SHANK2: variants seen among roughly 807,000 people sequenced by gnomAD.
The protein encoded by SHANK2 is SH3 and multiple ankyrin repeat domains protein 2.
Under a neutral mutation model 133.7 loss-of-function variants are expected in SHANK2, and 43 were observed. The ratio of observed to expected loss-of-function variants is 0.32; its 90% CI spans 0.25 to 0.41. SHANK2 has a LOEUF of 0.41. SHANK2 is among the 10% of genes least tolerant of loss of function. SHANK2 has a pLI of 1.00. For missense variants in SHANK2, 1,994 were observed against 2,235.8 expected, an observed-to-expected ratio of 0.89 and a Z score of 2.18; for synonymous variants, 1,017 against 952.8, an observed-to-expected ratio of 1.07 and a Z score of -1.24.
chr11:71,235,503 A>G (rs1190633266), intron 1 of SHANK2, among the ~76,000 whole-genome samples: 4 of 152,028 alleles, frequency 2.6e-5, no homozygotes, highest in Non-Finnish European at 5.9e-5. Flanking sequence ...CTGAGGCAGG[A>G]AAATCACTTG....
At chr11:70,762,067 C>T (rs561613636) in intron 14 of SHANK2, among the ~76,000 whole-genome samples, 4 of 152,302 alleles carry the variant, frequency 2.6e-5, no homozygotes, top group South Asian at 2.1e-4. Flanking sequence ...CTTTTTGCAG[C>T]GCCCCAGAGA....
intron 17 of SHANK2, among the ~76,000 whole-genome samples, chr11:70,544,266 T>A (rs2059660776): frequency 6.6e-6 from 1 of 152,144 alleles, no homozygotes; most frequent in South Asian, 2.1e-4. Context: ...TGTGCCTCAG[T>A]GTCCTCATCT....
intron 11 of SHANK2, among the ~76,000 whole-genome samples, chr11:70,832,050 C>T (rs1555058653): frequency 1.3e-5 from 2 of 152,190 alleles, no homozygotes; most frequent in Non-Finnish European, 2.9e-5. Flanking sequence ...CACGCAACAC[C>T]GTGGGGACAC....
At chr11:70,585,849 TG>T (rs2060243301) in intron 17 of SHANK2, among the ~76,000 whole-genome samples, 1 of 18,648 alleles carries the variant, frequency 5.4e-5, no homozygotes, top group Non-Finnish European at 9.8e-5. Context: ...CACCCACCCA[TG>T]CATTTGTCCA....
At chr11:70,819,281 C>T (rs932324183) in intron 12 of SHANK2, among the ~76,000 whole-genome samples, 2 of 152,250 alleles carry the variant, frequency 1.3e-5, no homozygotes, top group East Asian at 3.8e-4. Flanking sequence ...TGTGTGACCT[C>T]GGGCTCCTCA....
Position 70,473,301 on chromosome 11 carries a change from A to G in SHANK2, c.5118T>C (p.Arg1706=), listed in dbSNP as rs1555149219. Residue 1706 remains arginine, a synonymous_variant, in exon 26 of 26, where the codon CGT becomes CGC. Coordinates refer to ENST00000601538, the MANE Select transcript of SHANK2 (RefSeq NM_012309.5). This position sits in a 1 kb window ranked among gnomAD's most constrained non-coding sequence, Gnocchi z 5.9. Reference sequence around the variant, plus strand: ...TTGGCGAGACCACAGGGCTTGGGGCACGTCTTGTTCCTGAGGTCCTGCTTT... The same window carrying G: ...TTGGCGAGACCACAGGGCTTGGGGCGCGTCTTGTTCCTGAGGTCCTGCTTT... The part of the protein sequence containing the change: ...DYESRTSGTR[R]APSPVVSPTE... 6.2e-7 allele frequency: 1 copy of G among 1,613,870 alleles called. No homozygotes were observed. The highest frequency in any genetic ancestry group is 1.1e-5 in the South Asian group (1 of 91,062).
chr11:70,719,779 CA>C (rs1565267701), intron 14 of SHANK2, among the ~76,000 whole-genome samples: 1 of 151,270 alleles, frequency 6.6e-6, no homozygotes, highest in Non-Finnish European at 1.5e-5. Context: ...GACACGGCAG[CA>C]CACGAGATCC....
intron 15 of SHANK2, among the ~76,000 whole-genome samples, chr11:70,680,145 C>T (rs1555018051): frequency 6.6e-6 from 1 of 152,158 alleles, no homozygotes. Context: ...GGGGCCATCG[C>T]ACCCCATCCC....
At chr11:71,148,010 G>GTCAAGTGCAA (rs1327061681) in intron 2 of SHANK2, among the ~76,000 whole-genome samples, 1 of 151,982 alleles carries the variant, frequency 6.6e-6, no homozygotes, top group Non-Finnish European at 1.5e-5. Context: ...CTTCCTCAAG[G>GTCAAGTGCAA]TCAAGTGCAA....
chr11:71,178,326 C>A (rs1555113347), intron 2 of SHANK2, among the ~76,000 whole-genome samples: 1 of 152,218 alleles, frequency 6.6e-6, no homozygotes, highest in African/African-American at 2.4e-5. Flanking sequence ...AAGCCAGACA[C>A]AGTAGGAGAC....
chr11:70,620,541 G>A (rs1339731297), intron 17 of SHANK2, among the ~76,000 whole-genome samples: 1 of 150,832 alleles, frequency 6.6e-6, no homozygotes, highest in African/African-American at 2.4e-5. Context: ...CCCACCATGG[G>A]CGCCTTCCTT....
chr11:70,504,875 T>C (rs2059114727), intron 17 of SHANK2, among the ~76,000 whole-genome samples: 1 of 152,148 alleles, frequency 6.6e-6, no homozygotes, highest in Non-Finnish European at 1.5e-5. Flanking sequence ...CCACGCGTTA[T>C]CGGGTTCTCT....
At chr11:71,065,782 G>GGGTGT (rs1951046723) in intron 9 of SHANK2, among the ~76,000 whole-genome samples, 1 of 129,684 alleles carries the variant, frequency 7.7e-6, no homozygotes, top group Non-Finnish European at 1.6e-5. Context: ...GGGGAGGAGG[G>GGGTGT]GTACAGAACT....
chr11:70,662,457 C>G (rs912810080), intron 15 of SHANK2, among the ~76,000 whole-genome samples: 2 of 152,152 alleles, frequency 1.3e-5, no homozygotes, highest in African/African-American at 4.8e-5. Context: ...CTGCATCCCC[C>G]CCTCCAGCGT....
chr11:70,592,701 C>T lies in SHANK2; in HGVS notation c.2061+67127G>A, dbSNP rs1198616978. Among the ~76,000 whole-genome samples, 8 of 152,246 alleles carry T rather than the reference C, an allele frequency of 5.3e-5. No individual in the cohort carries two copies. In the East Asian group the frequency reaches 1.6e-3, roughly 30 times the overall value. ...GGTTAGGCCAACTCCCTCCTCCAGCCCCCTCCCATTTCGGCCCATCATCTA... is the reference window on the plus strand; with the variant it reads ...GGTTAGGCCAACTCCCTCCTCCAGCTCCCTCCCATTTCGGCCCATCATCTA... On this transcript the variant is annotated intron_variant, in intron 17 of 25. Transcript: ENST00000601538.
intron 17 of SHANK2, among the ~76,000 whole-genome samples, chr11:70,621,669 A>C (rs2060830974): frequency 6.6e-6 from 1 of 152,206 alleles, no homozygotes; most frequent in African/African-American, 2.4e-5. Context: ...AGCCCCAGCC[A>C]TGCGTGGCTG....
chr11:70,518,100 G>C (rs1002123954), intron 17 of SHANK2, among the ~76,000 whole-genome samples: 9 of 152,200 alleles, frequency 5.9e-5, no homozygotes, highest in African/African-American at 9.7e-5. Flanking sequence ...ACAGTAGAGA[G>C]ATGAGTACCC....
intron 11 of SHANK2, among the ~76,000 whole-genome samples, chr11:70,850,203 AAC>A (rs1226228306): frequency 6.6e-6 from 1 of 152,136 alleles, no homozygotes; most frequent in Admixed American, 6.5e-5. Flanking sequence ...CAATCTTCAC[AAC>A]AGTGTCAGCG....
intron 6 of SHANK2, among the ~76,000 whole-genome samples, chr11:71,103,091 TCA>T (rs1565452471): frequency 6.6e-6 from 1 of 152,230 alleles, no homozygotes; most frequent in African/African-American, 2.4e-5. Context: ...CAGGAGCCCA[TCA>T]CCTGCTGAAG....
Sources: allele counts gnomAD v4.1 joint callset (sites outside exome capture counted in the v4.1 genomes callset), GRCh38; gene constraint gnomAD v4.1.1; non-coding constraint Gnocchi (gnomAD v3.1); transcripts MANE v1.5; gene names NCBI Gene and HGNC (gene_info 2026-07-23, HGNC 2026-07-21).